The following DOP1A variants were observed in gnomAD, a reference collection of about 807,000 sequenced individuals.
DOP1A encodes the protein protein DOP1A.
DOP1A carries 90 observed loss-of-function variants against 267.6 expected under a neutral mutation model. That is an observed-to-expected ratio of 0.34 (90% CI 0.28 to 0.40). The LOEUF (loss-of-function observed/expected upper bound fraction) is 0.40, where lower values mean the gene tolerates loss of function less well. Among genes scored for constraint, DOP1A ranks in the 10% least tolerant of loss-of-function variants. The pLI is 1.00. For missense variants in DOP1A, 2,437 were observed against 2,900.4 expected (o/e 0.84, Z 3.67); for synonymous variants, 932 against 999.1 (o/e 0.93, Z 1.27).
intron 4 of DOP1A, 22 bp downstream of exon 4, chr6:83,100,908 A>G (rs771291396): frequency 1.5e-6 from 2 of 1,328,866 alleles, no homozygotes; most frequent in South Asian, 4.2e-5. Flanking sequence ...TTTACTATAT[A>G]TATACAAATA....
intron 1 of DOP1A, among the ~76,000 whole-genome samples, chr6:83,070,002 C>A (rs1351248915): frequency 6.6e-6 from 1 of 152,174 alleles, no homozygotes; most frequent in Non-Finnish European, 1.5e-5. Context: ...ACAGTTACTT[C>A]TAAATTGCTT....
In DOP1A at chr6:83,130,358, C is replaced by A. The variant is rs1194309087; in HGVS notation, c.2577C>A (p.Gly859=). Residue 859 remains glycine, a synonymous_variant, in exon 17 of 39, where the codon GGC becomes GGA. Coordinates refer to ENST00000349129, the MANE Select transcript of DOP1A (RefSeq NM_015018.4). ...TTATTAGACCTCCCCTCACTCAGGG[C>A]AATCTGAGGTACATAGCTGAGAAGA... ...AVVIRPPLTQ[G]NLRYIAEKTE... 1.2e-6 allele frequency: 2 copies of A among 1,613,982 alleles called. No homozygotes were observed. Among genetic ancestry groups the A allele is most frequent in the Non-Finnish European group, 8.5e-7 (1 of 1,179,944 alleles).
At position 83,154,195 on chromosome 6, in the gene DOP1A, G is replaced by A. The variant is rs1265877538; in HGVS notation, c.6405G>A (p.Met2135Ile). 1.9e-6 allele frequency: 3 copies of A among 1,613,738 alleles called. No individual in the cohort carries two copies. Among genetic ancestry groups the A allele is most frequent in the Non-Finnish European group, 2.5e-6 (3 of 1,179,864 alleles). The change falls in exon 33 of 39, where the codon ATG (methionine) becomes ATA (isoleucine). Residue 2135 changes from methionine (M) to isoleucine (I), a missense_variant. Physicochemically the swap from Met to Ile is conservative, Grantham distance 10. Around this residue, in one of 9 missense-constraint regions of DOP1A, gnomAD observed 216 missense variants for 283.3 expected, o/e 0.76. Coordinates refer to ENST00000349129, the MANE Select transcript of DOP1A (RefSeq NM_015018.4). ...ASCVNHWRAIMDNLMTHDKTT... is the reference protein window; with the variant it reads ...ASCVNHWRAIIDNLMTHDKTT... ...TCTCTTTCAGTTGGAGAGCAATTAT[G>A]GACAATCTGATGACACATGATAAAA... is the stretch of plus-strand genomic sequence containing the variant.
At chr6:83,136,996 T>A (rs1172699667) in intron 20 of DOP1A, among the ~76,000 whole-genome samples, 177 bp from the exon 21 acceptor site, 1 of 152,106 alleles carries the variant, frequency 6.6e-6, no homozygotes, top group African/African-American at 2.4e-5. Context: ...TAAAGTGAGG[T>A]ATTAAGGAGG....
At chr6:83,165,782 C>G in intron 38 of DOP1A, 1 of 278,844 alleles carries the variant, frequency 3.6e-6, no homozygotes, top group Non-Finnish European at 7.3e-6. Context: ...CAACGTGCGG[C>G]CCAGTGTTGT....
chr6:83,071,630 A>C (rs977818175), intron 1 of DOP1A, among the ~76,000 whole-genome samples: 3 of 152,180 alleles, frequency 2.0e-5, no homozygotes, highest in African/African-American at 7.2e-5. Context: ...AAAATTCCTT[A>C]GAATTTTATC....
chr6:83,141,008 T>G (rs571743491), intron 23 of DOP1A, among the ~76,000 whole-genome samples: 1 of 152,282 alleles, frequency 6.6e-6, no homozygotes, highest in Non-Finnish European at 1.5e-5. Flanking sequence ...AATTCTAAGG[T>G]AATTGAAATT....
chr6:83,118,329 A>T (rs553043343), intron 7 of DOP1A, among the ~76,000 whole-genome samples: 1 of 152,212 alleles, frequency 6.6e-6, no homozygotes, highest in Non-Finnish European at 1.5e-5. Flanking sequence ...GAAAAAAGAA[A>T]AAAATTATTT....
In DOP1A at chr6:83,070,600, A is replaced by G. The variant is rs7762451; in HGVS notation, c.-147+2821A>G. On this transcript the variant is annotated intron_variant, in intron 1 of 38. Coordinates refer to ENST00000349129, the MANE Select transcript of DOP1A (RefSeq NM_015018.4). ...ATAGTTATACTTTTACTCTCTGAGA[A>G]TGTTCTTCTGTTTCTGAGTGTCTAA... Among the ~76,000 whole-genome samples, 582 of 152,322 alleles carry G rather than the reference A, an allele frequency of 3.8e-3. 3 individuals carry two copies. The highest frequency in any genetic ancestry group is 0.014 in the African/African-American group (562 of 41,574).
chr6:83,140,483 A>G, intron 23 of DOP1A, 80 bp downstream of exon 23: 1 of 1,162,658 alleles, frequency 8.6e-7, no homozygotes, highest in Non-Finnish European at 1.2e-6. Flanking sequence ...TATGTGAATA[A>G]TTTGTGTAGT....
At chr6:83,112,584 C>T (rs1774740597) in intron 6 of DOP1A, among the ~76,000 whole-genome samples, 1 of 152,158 alleles carries the variant, frequency 6.6e-6, no homozygotes, top group African/African-American at 2.4e-5. Flanking sequence ...CTTGCCTCAG[C>T]CACCTGAGTG....
intron 23 of DOP1A, among the ~76,000 whole-genome samples, 198 bp downstream of exon 23, chr6:83,140,601 T>C (rs1447252998): frequency 6.6e-6 from 1 of 152,188 alleles, no homozygotes; most frequent in Non-Finnish European, 1.5e-5. Flanking sequence ...CAGTAATTTT[T>C]TTAGTAAATT....
intron 24 of DOP1A, among the ~76,000 whole-genome samples, chr6:83,145,084 C>T (rs112383833): frequency 0.034 from 4,344 of 127,786 alleles, 133 homozygotes; most frequent in African/African-American, 0.07. Context: ...GCCTTGGAGA[C>T]AGAGCAAGAC....
intron 4 of DOP1A, among the ~76,000 whole-genome samples, chr6:83,102,182 T>G (rs1772712563): frequency 6.6e-6 from 1 of 152,236 alleles, no homozygotes; most frequent in African/African-American, 2.4e-5. Context: ...TGCAATGTAC[T>G]GTATTAAAGC....
intron 9 of DOP1A, 62 bp downstream of exon 9, chr6:83,119,919 T>G (rs1050824555): frequency 3.8e-6 from 5 of 1,332,164 alleles, no homozygotes; most frequent in Non-Finnish European, 4.2e-6. Context: ...TGAAAAAGTG[T>G]AAGACGAGGT....
intron 1 of DOP1A, among the ~76,000 whole-genome samples, chr6:83,086,953 G>T (rs1769375960): frequency 6.6e-6 from 1 of 152,134 alleles, no homozygotes; most frequent in Admixed American, 6.5e-5. Flanking sequence ...GAGAGATTCG[G>T]GGGGTAGACT....
chr6:83,153,258 C>T (rs1782092341), intron 30 of DOP1A: 1 of 255,044 alleles, frequency 3.9e-6, no homozygotes, highest in African/African-American at 2.2e-5. Context: ...GGTTCTTGAA[C>T]TCTTTTCTTT....
chr6:83,080,569 C>T (rs1485979244), intron 1 of DOP1A, among the ~76,000 whole-genome samples: 1 of 152,176 alleles, frequency 6.6e-6, no homozygotes, highest in African/African-American at 2.4e-5. Context: ...GCTAATCCAG[C>T]AAGAATCCTG....
chr6:83,117,288 C>G (rs190147077), intron 7 of DOP1A, among the ~76,000 whole-genome samples: 124 of 151,728 alleles, frequency 8.2e-4, no homozygotes, highest in African/African-American at 2.5e-3. Flanking sequence ...GTAGCTGGGA[C>G]TACAGGCGCC....
Sources: gnomAD v4.1 joint callset for allele counts (sites outside exome capture counted in the v4.1 genomes callset) on GRCh38, gnomAD v4.1.1 for gene constraint, gnomAD v4.1.1 regional missense constraint, MANE v1.5 for transcripts, NCBI Gene and HGNC (gene_info 2026-07-23, HGNC 2026-07-21) for gene names.